Variants in MED13 observed in about 807,000 individuals in gnomAD.
MED13 encodes the protein mediator complex subunit 13, also known as mediator of RNA polymerase II transcription subunit 13.
MED13 carries 23 observed loss-of-function variants against 225.2 expected under a neutral mutation model. The observed-to-expected ratio is 0.10, with a 90% confidence interval of 0.07 to 0.14. The LOEUF (loss-of-function observed/expected upper bound fraction) is 0.14. Among genes scored for constraint, MED13 ranks in the 10% least tolerant of loss-of-function variants. The probability of loss-of-function intolerance (pLI) is 1.00; values close to 1 mark genes in which losing one functional copy is unlikely to be tolerated. For missense variants in MED13, 2,197 were observed against 2,594.5 expected (o/e 0.85, Z 3.33); for synonymous variants, 942 against 889.2 (o/e 1.06, Z -1.06).
chr17:62,034,836 C>A (rs2080788702), intron 4 of MED13, among the ~76,000 whole-genome samples: 1 of 151,890 alleles, frequency 6.6e-6, no homozygotes, highest in Non-Finnish European at 1.5e-5. Context: ...TGGCTCTGGC[C>A]GGACATGGTG....
intron 16 of MED13, 23 bp from the exon 17 acceptor site, chr17:61,972,911 A>C (rs1191355366): frequency 6.4e-7 from 1 of 1,563,352 alleles, no homozygotes. Flanking sequence ...TAAAAAAAAC[A>C]AGTAATTAAG....
At chr17:62,035,025 G>A (rs896862307) in intron 4 of MED13, among the ~76,000 whole-genome samples, 1 of 152,122 alleles carries the variant, frequency 6.6e-6, no homozygotes, top group African/African-American at 2.4e-5. Context: ...GGAGGCTGAG[G>A]TAGGAGAATT....
In MED13 at chr17:61,965,518, G is replaced by GT. The variant is rs2080050260; in HGVS notation, c.4382-51dup. On this transcript the variant is annotated intron_variant, in intron 19 of 29. Coordinates refer to ENST00000397786, the MANE Select transcript of MED13 (RefSeq NM_005121.3). ...ATTTAATTCTTTATTTCACTGACTG[G>GT]TTTTTTTAAATTCTACTGTGTAAAC... is the stretch of plus-strand genomic sequence containing the variant. 8.0e-6 allele frequency: 12 copies of GT among 1,501,634 alleles called. No individual in the cohort carries two copies. The East Asian group carries it at 1.8e-4, about 23-fold the overall frequency. 93.0% of individuals were successfully genotyped at this position (1,501,634 alleles called of 1,614,324 possible).
In MED13 at chr17:61,982,429, G is replaced by A; in HGVS notation, c.3574C>T (p.Leu1192=). ...EKLSDDLILL[L]QDQCTNLFSP... ...AATAAATTAGTGCACTGATCTTGTA[G>A]CAATAATATCAAATCATCAGATAAT... Residue 1192 remains leucine, a synonymous_variant, in exon 16 of 30, where the codon CTA becomes TTA. Transcript: ENST00000397786. The A allele has an allele frequency of 6.2e-7, 1 of 1,614,154 alleles. No individual in the cohort carries two copies. The highest frequency in any genetic ancestry group is 1.1e-5 in the South Asian group (1 of 91,078).
At chr17:62,061,313 G>C (rs905495565) in intron 2 of MED13, among the ~76,000 whole-genome samples, 3 of 151,790 alleles carry the variant, frequency 2.0e-5, no homozygotes, top group African/African-American at 7.3e-5. Flanking sequence ...GAGTTCAGGA[G>C]TTCAAGACCA....
intron 16 of MED13, 76 bp downstream of exon 16, chr17:61,982,122 C>T (rs2080209957): frequency 7.2e-7 from 1 of 1,397,140 alleles, no homozygotes; most frequent in Non-Finnish European, 9.7e-7. Flanking sequence ...TGGGAAACTG[C>T]CTTTATTACT....
chr17:62,015,956 T>TATATATA (rs1567980132), intron 8 of MED13, among the ~76,000 whole-genome samples: 3 of 4,884 alleles, frequency 6.1e-4, no homozygotes, highest in African/African-American at 7.6e-4. Context: ...ATATATATAT[T>TATATATA]TTTTTTTTTT....
chr17:62,052,212 A>G (rs1222680382), intron 3 of MED13, among the ~76,000 whole-genome samples: 2 of 152,166 alleles, frequency 1.3e-5, no homozygotes, highest in African/African-American at 2.4e-5. Flanking sequence ...TGCTGTGCAT[A>G]TATTTCCACA....
chr17:61,943,145 G>A lies in MED13; in HGVS notation c.*3323C>T, dbSNP rs2079827246. 6.6e-6 allele frequency: 1 copy of A among 152,472 alleles called. No individual in the cohort carries two copies. The highest frequency in any genetic ancestry group is 1.5e-5 in the Non-Finnish European group (1 of 67,978). 9.4% of individuals were successfully genotyped at this position (152,472 alleles called of 1,614,324 possible). On this transcript the variant is annotated 3_prime_UTR_variant, in exon 30 of 30. Coordinates refer to ENST00000397786, the MANE Select transcript of MED13 (RefSeq NM_005121.3). ...AGATTTCCAGCTTATTTCTGGAGGG[G>A]TGGGACAAAATAAGAATGTATATTA...
At chr17:61,966,157 C>T (rs2080056190) in intron 19 of MED13, among the ~76,000 whole-genome samples, 1 of 152,186 alleles carries the variant, frequency 6.6e-6, no homozygotes, top group Non-Finnish European at 1.5e-5. Flanking sequence ...ATTAAAACAT[C>T]AGACCCTACA....
At chr17:61,974,124 C>G (rs909286520) in intron 16 of MED13, among the ~76,000 whole-genome samples, 1 of 152,020 alleles carries the variant, frequency 6.6e-6, no homozygotes, top group African/African-American at 2.4e-5. Context: ...AAAATGCTAA[C>G]GGGCCGGGCT....
chr17:62,028,560 A>C (rs540048864), intron 8 of MED13, among the ~76,000 whole-genome samples: 1 of 152,296 alleles, frequency 6.6e-6, no homozygotes, highest in East Asian at 1.9e-4. Context: ...GCTTAAAAAA[A>C]AAGAAATGAA....
chr17:61,995,057 CAAAA>C, intron 10 of MED13, 91 bp downstream of exon 10: 1 of 915,490 alleles, frequency 1.1e-6, no homozygotes, highest in South Asian at 1.7e-5. Flanking sequence ...TATTCTAAGA[CAAAA>C]GAAGTGAGAT....
At chr17:61,972,665 G>A (rs1027568798) in intron 17 of MED13, 62 bp downstream of exon 17, 8 of 1,375,208 alleles carry the variant, frequency 5.8e-6, no homozygotes, top group Non-Finnish European at 7.9e-6. Context: ...TATTCTAGTT[G>A]GGCACAGAAA....
intron 4 of MED13, among the ~76,000 whole-genome samples, chr17:62,034,740 G>A (rs2080787973): frequency 6.6e-6 from 1 of 152,108 alleles, no homozygotes; most frequent in South Asian, 2.1e-4. Flanking sequence ...AGGCAATTCA[G>A]CAATCTTATA....
chr17:61,958,586 C>T (rs1302856682), intron 23 of MED13, among the ~76,000 whole-genome samples: 1 of 152,130 alleles, frequency 6.6e-6, no homozygotes, highest in Non-Finnish European at 1.5e-5. Flanking sequence ...ACCTGCCCAC[C>T]TTGGCCTCCC....
Position 61,976,164 on chromosome 17 carries a change from T to C in MED13, c.3806-3276A>G, listed in dbSNP as rs186609489. ...AGCCAAAAAGTGGAAAAAATCTAAA[T>C]ATCCATCAACTAATGAATGGATAAA... On this transcript the variant is annotated intron_variant, in intron 16 of 29. Coordinates refer to ENST00000397786, the MANE Select transcript of MED13 (RefSeq NM_005121.3). Among the ~76,000 whole-genome samples the C allele has an allele frequency of 8.0e-4, 122 of 152,318 alleles. 1 individual carries two copies. Among genetic ancestry groups the C allele is most frequent in the African/African-American group, 2.8e-3 (116 of 41,570 alleles).
chr17:61,947,962 A>G (rs1216226102), intron 28 of MED13, among the ~76,000 whole-genome samples: 5 of 152,212 alleles, frequency 3.3e-5, no homozygotes, highest in Admixed American at 6.5e-5. Context: ...CAATACATAT[A>G]GAAACTCATG....
intron 17 of MED13, among the ~76,000 whole-genome samples, chr17:61,968,489 C>T (rs1279316670): frequency 6.6e-6 from 1 of 152,080 alleles, no homozygotes. Flanking sequence ...CCACGCCTGG[C>T]TAATTTTTTG....
Sources: gnomAD v4.1 joint callset for allele counts (sites outside exome capture counted in the v4.1 genomes callset) on GRCh38, gnomAD v4.1.1 for gene constraint, MANE v1.5 for transcripts, NCBI Gene and HGNC (gene_info 2026-07-23, HGNC 2026-07-21) for gene names.